The following SIPA1L2 variants were observed in gnomAD, a reference collection of about 807,000 sequenced individuals.
The protein encoded by SIPA1L2 is signal-induced proliferation-associated 1-like protein 2.
Under a neutral mutation model 163.9 loss-of-function variants are expected in SIPA1L2, and 56 were observed. The ratio of observed to expected loss-of-function variants is 0.34; its 90% CI spans 0.28 to 0.43. SIPA1L2 has a LOEUF of 0.43. Ranked by LOEUF, SIPA1L2 falls within the 20% of genes least tolerant of loss-of-function variation. The pLI, the probability that SIPA1L2 is intolerant of heterozygous loss-of-function variation, is 1.00. For missense variants in SIPA1L2, 1,974 were observed against 2,193.5 expected (o/e 0.90, Z 2.00); for synonymous variants, 877 against 865.7 (o/e 1.01, Z -0.23).
chr1:232,481,277 T>C (rs957395552), intron 6 of SIPA1L2, among the ~76,000 whole-genome samples: 2 of 152,204 alleles, frequency 1.3e-5, no homozygotes, highest in African/African-American at 4.8e-5. Flanking sequence ...CAGGGCAGGA[T>C]GGATGCTCCT....
chr1:232,406,327 C>A (rs1027980019), intron 19 of SIPA1L2, among the ~76,000 whole-genome samples: 2 of 152,220 alleles, frequency 1.3e-5, no homozygotes, highest in African/African-American at 4.8e-5. Context: ...GGAGCCCCTT[C>A]GGTTTTCTTT....
intron 13 of SIPA1L2, 55 bp downstream of exon 13, chr1:232,441,713 C>A (rs575598768): frequency 4.8e-5 from 66 of 1,386,504 alleles, no homozygotes; most frequent in Non-Finnish European, 6.5e-5. Flanking sequence ...GAGGAGGGGG[C>A]AGAGAGGGGG....
chr1:232,505,870 C>T (rs1220482683), intron 3 of SIPA1L2, among the ~76,000 whole-genome samples: 1 of 152,154 alleles, frequency 6.6e-6, no homozygotes, highest in Non-Finnish European at 1.5e-5. Flanking sequence ...TTAGATGGCA[C>T]TCTGTTCACC....
intron 1 of SIPA1L2, among the ~76,000 whole-genome samples, chr1:232,578,277 T>C (rs943113218): frequency 1.4e-4 from 21 of 151,974 alleles, no homozygotes; most frequent in African/African-American, 4.4e-4. Flanking sequence ...AAAAAATCTG[T>C]GTGACTTGCT....
intron 2 of SIPA1L2, among the ~76,000 whole-genome samples, chr1:232,522,160 T>C (rs971169424): frequency 6.6e-6 from 1 of 152,162 alleles, no homozygotes. Context: ...AGAACCACTA[T>C]CATAGTTCTC....
chr1:232,593,206 A>T (rs1661054853), intron 1 of SIPA1L2, among the ~76,000 whole-genome samples: 1 of 152,214 alleles, frequency 6.6e-6, no homozygotes, highest in Admixed American at 6.5e-5. Context: ...AAAAGTCCTA[A>T]GTCAAATATT....
intron 1 of SIPA1L2, among the ~76,000 whole-genome samples, chr1:232,613,450 C>A (rs1662351235): frequency 6.6e-6 from 1 of 152,192 alleles, no homozygotes; most frequent in Admixed American, 6.5e-5. Context: ...CTTTAGCAAA[C>A]CACCCACTTT....
At chr1:232,493,453 A>G in intron 4 of SIPA1L2, 74 bp downstream of exon 4, 1 of 1,572,760 alleles carries the variant, frequency 6.4e-7, no homozygotes, top group Non-Finnish European at 8.7e-7. Flanking sequence ...TACCCTATCT[A>G]AAACAAACTG....
intron 2 of SIPA1L2, among the ~76,000 whole-genome samples, chr1:232,526,629 T>C (rs1667723382): frequency 1.3e-5 from 2 of 152,222 alleles, no homozygotes; most frequent in African/African-American, 4.8e-5. Flanking sequence ...GCCCCTGCCG[T>C]AACCCACTGC....
chr1:232,456,704 C>A (rs1485113813), intron 10 of SIPA1L2, among the ~76,000 whole-genome samples: 1 of 152,228 alleles, frequency 6.6e-6, no homozygotes, highest in Non-Finnish European at 1.5e-5. Context: ...AGGCCAGGGC[C>A]ATACCGGTGG....
At chr1:232,568,806 C>T (rs113888064) in intron 2 of SIPA1L2, among the ~76,000 whole-genome samples, 115 of 152,312 alleles carry the variant, frequency 7.6e-4, no homozygotes, top group African/African-American at 2.6e-3. Context: ...TCCACCCAAA[C>T]GTGTGTATTG....
chr1:232,401,782 C>G (rs965313921), intron 22 of SIPA1L2, among the ~76,000 whole-genome samples: 1 of 152,184 alleles, frequency 6.6e-6, no homozygotes, highest in African/African-American at 2.4e-5. Context: ...TAAGCCAAAC[C>G]AAACCAAACC....
chr1:232,440,976 C>T (rs1317261331), intron 14 of SIPA1L2, among the ~76,000 whole-genome samples: 1 of 152,242 alleles, frequency 6.6e-6, no homozygotes, highest in African/African-American at 2.4e-5. Flanking sequence ...GCAGTTTCTG[C>T]TTCTGTTTTG....
chr1:232,630,420 G>A (rs1573202163), upstream of SIPA1L2, among the ~76,000 whole-genome samples: 1 of 152,256 alleles, frequency 6.6e-6, no homozygotes, highest in African/African-American at 2.4e-5. Context: ...TCGAGGGCCG[G>A]GCAGCCTACC....
At position 232,515,245 on chromosome 1, in the gene SIPA1L2, T is replaced by A; in HGVS notation, c.95A>T (p.Asp32Val). ...KDPPRIMQSDDYFARKFKAIN... is the reference protein window; with the variant it reads ...KDPPRIMQSDVYFARKFKAIN... The stretch of plus-strand genomic sequence containing the variant: ...GGCTTTAAATTTCCGAGCAAAATAA[T>A]CATCTGACTGCATGATTCTAGGGGG... Residue 32 changes from aspartate (D) to valine (V), a missense_variant, in exon 3 of 23, where the codon GAT becomes GTT. Coordinates refer to ENST00000674635, the MANE Select transcript of SIPA1L2 (RefSeq NM_020808.5). The A allele has an allele frequency of 2.5e-6, 4 of 1,614,066 alleles. No individual in the cohort carries two copies. The highest frequency in any genetic ancestry group is 3.4e-6 in the Non-Finnish European group (4 of 1,179,998).
At position 232,554,093 on chromosome 1, in the gene SIPA1L2, TAA is replaced by T. The variant is rs34106045; in HGVS notation, c.-270+20079_-270+20080del. On this transcript the variant is annotated intron_variant, in intron 2 of 22. Coordinates refer to ENST00000674635, the MANE Select transcript of SIPA1L2 (RefSeq NM_020808.5). Reference sequence around the variant, plus strand: ...TGTCCACAACACTGGTTTCAATCTCTAAAAAGTTATTTTTTCCACCAGAGTAA... The same window carrying T: ...TGTCCACAACACTGGTTTCAATCTCTAAAGTTATTTTTTCCACCAGAGTAA... Among the ~76,000 whole-genome samples, 269 of 152,324 alleles carry T rather than the reference TAA, an allele frequency of 1.8e-3. 5 individuals carry two copies. Among genetic ancestry groups the T allele is most frequent in the South Asian group, 8.3e-4 (4 of 4,822 alleles).
intron 5 of SIPA1L2, among the ~76,000 whole-genome samples, chr1:232,488,134 G>A (rs1283461784): frequency 6.6e-6 from 1 of 152,094 alleles, no homozygotes; most frequent in East Asian, 1.9e-4. Context: ...TGTATACTTA[G>A]TAGAGATGGG....
chr1:232,577,588 C>G (rs938465122), intron 1 of SIPA1L2, among the ~76,000 whole-genome samples: 1 of 152,192 alleles, frequency 6.6e-6, no homozygotes, highest in East Asian at 1.9e-4. Flanking sequence ...CCATCAAGAA[C>G]ATTCACGATT....
At chr1:232,447,340 T>C (rs1663277004) in intron 10 of SIPA1L2, among the ~76,000 whole-genome samples, 1 of 152,248 alleles carries the variant, frequency 6.6e-6, no homozygotes, top group Admixed American at 6.5e-5. Flanking sequence ...CTGCATGTTG[T>C]CTATCTACCC....
Sources: allele counts gnomAD v4.1 joint callset (sites outside exome capture counted in the v4.1 genomes callset), GRCh38; gene constraint gnomAD v4.1.1; transcripts MANE v1.5; gene names NCBI Gene and HGNC (gene_info 2026-07-23, HGNC 2026-07-21).